Variants in NELL1 observed in about 807,000 individuals in gnomAD.
NELL1 encodes the protein neural EGFL like 1.
NELL1 carries 76 observed loss-of-function variants against 107.4 expected under a neutral mutation model. That is an observed-to-expected ratio of 0.71 (90% CI 0.59 to 0.86). The LOEUF (loss-of-function observed/expected upper bound fraction) is 0.86, where lower values mean the gene tolerates loss of function less well. Ranked by LOEUF, NELL1 falls within the 40% of genes least tolerant of loss-of-function variation. NELL1 has a pLI of 0.00. For missense variants in NELL1, 1,024 were observed against 1,005.5 expected (o/e 1.02, Z -0.25); for synonymous variants, 353 against 341.2 (o/e 1.03, Z -0.38).
chr11:21,505,059 G>A (rs1719290547), intron 15 of NELL1, among the ~76,000 whole-genome samples: 1 of 152,072 alleles, frequency 6.6e-6, no homozygotes, highest in Non-Finnish European at 1.5e-5. Flanking sequence ...CCCTAGAAAA[G>A]TTATGTTTAC....
intron 15 of NELL1, among the ~76,000 whole-genome samples, chr11:21,457,946 A>G (rs1349211016): frequency 6.6e-6 from 1 of 152,156 alleles, no homozygotes. Flanking sequence ...TGGGCTTTGT[A>G]GTTAGAAGGT....
chr11:21,543,822 G>A (rs1856357824), intron 16 of NELL1, among the ~76,000 whole-genome samples: 1 of 151,984 alleles, frequency 6.6e-6, no homozygotes, highest in Non-Finnish European at 1.5e-5. Flanking sequence ...CATTACACTA[G>A]ACTCGGGCAT....
chr11:21,571,841 A>G (rs1857107343), intron 18 of NELL1, among the ~76,000 whole-genome samples: 1 of 151,832 alleles, frequency 6.6e-6, no homozygotes. Context: ...GAACATTCTG[A>G]GTTGATTGGT....
intron 15 of NELL1, among the ~76,000 whole-genome samples, chr11:21,429,774 T>A (rs1226339098): frequency 6.6e-6 from 1 of 152,176 alleles, no homozygotes; most frequent in Non-Finnish European, 1.5e-5. Flanking sequence ...ATAACATAAA[T>A]TGACAACCTT....
intron 13 of NELL1, among the ~76,000 whole-genome samples, chr11:21,215,985 C>T (rs1276863258): frequency 6.6e-6 from 1 of 152,114 alleles, no homozygotes; most frequent in Non-Finnish European, 1.5e-5. Flanking sequence ...TGCAACCCCT[C>T]CTATCACAGA....
At chr11:21,112,045 A>G (rs1006507504) in intron 12 of NELL1, among the ~76,000 whole-genome samples, 2 of 152,056 alleles carry the variant, frequency 1.3e-5, no homozygotes, top group African/African-American at 4.8e-5. Context: ...TCTGACTGTA[A>G]TAATTCCTTG....
intron 14 of NELL1, among the ~76,000 whole-genome samples, chr11:21,315,982 T>A (rs1849872995): frequency 6.6e-6 from 1 of 152,138 alleles, no homozygotes; most frequent in South Asian, 2.1e-4. Context: ...TATTACTTTT[T>A]ACCTATTACT....
intron 14 of NELL1, among the ~76,000 whole-genome samples, chr11:21,311,052 C>CA (rs1172508460): frequency 6.6e-6 from 1 of 152,072 alleles, no homozygotes; most frequent in East Asian, 1.9e-4. Flanking sequence ...GTTTCAGTAA[C>CA]AAAATCTGTA....
intron 12 of NELL1, among the ~76,000 whole-genome samples, chr11:21,013,205 A>C (rs917409652): frequency 2.6e-5 from 4 of 152,094 alleles, no homozygotes; most frequent in Admixed American, 2.6e-4. Context: ...TCACTGTTCT[A>C]ATTTTTTGCA....
intron 15 of NELL1, among the ~76,000 whole-genome samples, chr11:21,404,366 C>A (rs527350388): frequency 1.2e-4 from 19 of 152,014 alleles, no homozygotes; most frequent in African/African-American, 2.9e-4. Flanking sequence ...TAGGGGCAGA[C>A]TAATACAGTT....
chr11:21,201,723 T>C (rs1157256907), intron 13 of NELL1, among the ~76,000 whole-genome samples: 1 of 152,232 alleles, frequency 6.6e-6, no homozygotes, highest in Non-Finnish European at 1.5e-5. Flanking sequence ...AAGGGAATGC[T>C]TCCAGCTTTT....
intron 13 of NELL1, among the ~76,000 whole-genome samples, chr11:21,158,184 A>G (rs990084077): frequency 1.3e-5 from 2 of 152,104 alleles, no homozygotes; most frequent in Non-Finnish European, 2.9e-5. Context: ...GACTTCCACT[A>G]TTGTTTAGCC....
intron 2 of NELL1, among the ~76,000 whole-genome samples, chr11:20,689,060 A>T (rs951998184): frequency 6.6e-6 from 1 of 151,980 alleles, no homozygotes; most frequent in Non-Finnish European, 1.5e-5. Flanking sequence ...GGCCGCTTAT[A>T]TGTCTTCTTT....
intron 5 of NELL1, among the ~76,000 whole-genome samples, chr11:20,895,082 T>A (rs1380916962): frequency 1.0e-4 from 15 of 146,558 alleles, no homozygotes; most frequent in Admixed American, 8.7e-4. Context: ...CCATCCCGGC[T>A]AAAACGGTGA....
intron 3 of NELL1, among the ~76,000 whole-genome samples, chr11:20,836,587 C>T (rs958593519): frequency 2.6e-5 from 4 of 151,128 alleles, no homozygotes; most frequent in Admixed American, 6.6e-5. Context: ...AAAAAAACAA[C>T]GCATGATTAA....
chr11:21,361,032 C>T (rs183130685), intron 14 of NELL1, among the ~76,000 whole-genome samples: 2 of 152,048 alleles, frequency 1.3e-5, no homozygotes, highest in East Asian at 3.9e-4. Context: ...GTTCTTTTTC[C>T]CCCACTGTGT....
intron 2 of NELL1, among the ~76,000 whole-genome samples, chr11:20,679,545 C>A (rs932677259): frequency 6.6e-6 from 1 of 152,114 alleles, no homozygotes. Flanking sequence ...TCACTTACTC[C>A]TTACTAATGA....
At chr11:21,549,211 G>T (rs1190638439) in intron 16 of NELL1, among the ~76,000 whole-genome samples, 1 of 151,816 alleles carries the variant, frequency 6.6e-6, no homozygotes, top group East Asian at 1.9e-4. Flanking sequence ...CAATGATGTT[G>T]ATACAAACAT....
At chr11:21,104,206 G>C (rs1854892008) in intron 12 of NELL1, among the ~76,000 whole-genome samples, 1 of 152,150 alleles carries the variant, frequency 6.6e-6, no homozygotes, top group Admixed American at 6.6e-5. Context: ...ATTGAGGTAG[G>C]CTGAGGCACA....
Sources: gnomAD v4.1 joint callset for allele counts (sites outside exome capture counted in the v4.1 genomes callset) on GRCh38, gnomAD v4.1.1 for gene constraint, MANE v1.5 for transcripts, NCBI Gene and HGNC (gene_info 2026-07-23, HGNC 2026-07-21) for gene names.